The following ACOXL variants were observed in gnomAD, a reference collection of about 807,000 sequenced individuals.
ACOXL encodes the protein acyl-coenzyme A oxidase-like protein.
A neutral mutation model predicts 71.9 loss-of-function variants in ACOXL; 70 were observed. The observed-to-expected ratio is 0.97, with a 90% CI of 0.80 to 1.19. The LOEUF is 1.19. ACOXL is among the 50% of genes most tolerant of loss of function. ACOXL has a pLI of 0.00. For synonymous variants in ACOXL, 253 were observed against 281.6 expected, an observed-to-expected ratio of 0.90 and a Z score of 1.02; for missense variants, 703 against 736.3, an observed-to-expected ratio of 0.95 and a Z score of 0.52.
intron 10 of ACOXL, among the ~76,000 whole-genome samples, chr2:110,898,325 A>G (rs777080585): frequency 2.0e-5 from 3 of 152,220 alleles, no homozygotes; most frequent in Non-Finnish European, 4.4e-5. Flanking sequence ...CTTCATGAAT[A>G]TAGATACAAA....
At chr2:110,875,817 G>A (rs923591391) in intron 10 of ACOXL, among the ~76,000 whole-genome samples, 17 of 152,132 alleles carry the variant, frequency 1.1e-4, no homozygotes, top group African/African-American at 4.1e-4. Context: ...GCACCTAAGT[G>A]AAGCTGTTGA....
intron 10 of ACOXL, among the ~76,000 whole-genome samples, chr2:110,858,149 A>G (rs1393741929): frequency 6.6e-6 from 1 of 152,176 alleles, no homozygotes. Flanking sequence ...CGGGGACAAG[A>G]AATTAGTGAA....
chr2:110,853,866 C>CT (rs200608406), intron 10 of ACOXL, among the ~76,000 whole-genome samples: 9 of 150,798 alleles, frequency 6.0e-5, no homozygotes, highest in African/African-American at 2.0e-4. Flanking sequence ...CTCTCCTCTC[C>CT]TTTTTTTTAA....
chr2:110,792,577 C>T (rs764470779), intron 3 of ACOXL, among the ~76,000 whole-genome samples: 1 of 152,062 alleles, frequency 6.6e-6, no homozygotes, highest in African/African-American at 2.4e-5. Context: ...ATTGCTTGAG[C>T]TCAGTAGTTT....
intron 9 of ACOXL, among the ~76,000 whole-genome samples, chr2:110,811,029 GCTCCAGTGATTTAATTATCTTCACC>G (rs1687255246): frequency 6.6e-6 from 1 of 152,198 alleles, no homozygotes; most frequent in South Asian, 2.1e-4. Flanking sequence ...GGGGGAAACT[GCTCCAGTGATTTAATTATCTTCACC>G]GGGTCCCTTC....
chr2:110,923,222 C>G (rs1328629576), intron 11 of ACOXL, among the ~76,000 whole-genome samples: 1 of 152,216 alleles, frequency 6.6e-6, no homozygotes, highest in East Asian at 1.9e-4. Flanking sequence ...CCTGCTACCT[C>G]TTCTCCAACT....
At chr2:110,955,933 A>ATT (rs67285328) in intron 12 of ACOXL, among the ~76,000 whole-genome samples, 3,496 of 101,640 alleles carry the variant, frequency 0.034, 126 homozygotes, top group Non-Finnish European at 0.05. Flanking sequence ...CTTGCCACAG[A>ATT]TTTTTTTTTT....
At chr2:110,921,682 C>A (rs879322558) in intron 11 of ACOXL, among the ~76,000 whole-genome samples, 1 of 151,650 alleles carries the variant, frequency 6.6e-6, no homozygotes, top group Non-Finnish European at 1.5e-5. Context: ...CATGAGCCAC[C>A]GCGCCTGGCC....
chr2:110,761,174 G>C (rs1340213337), intron 1 of ACOXL, among the ~76,000 whole-genome samples: 1 of 151,920 alleles, frequency 6.6e-6, no homozygotes, highest in African/African-American at 2.4e-5. Flanking sequence ...GCCAGCTTTT[G>C]GATTTATTAG....
chr2:111,079,387 G>A (rs775999880), intron 16 of ACOXL, among the ~76,000 whole-genome samples: 1 of 152,048 alleles, frequency 6.6e-6, no homozygotes, highest in African/African-American at 2.4e-5. Flanking sequence ...AAAGTCTTTT[G>A]TATGCTAATT....
At chr2:110,949,358 C>T (rs578182858) in intron 12 of ACOXL, among the ~76,000 whole-genome samples, 57 of 150,108 alleles carry the variant, frequency 3.8e-4, no homozygotes, top group Non-Finnish European at 7.5e-4. Context: ...TCATTTTTCC[C>T]GGGCATCAAC....
intron 14 of ACOXL, among the ~76,000 whole-genome samples, chr2:111,010,573 G>A (rs1464968428): frequency 1.3e-5 from 2 of 151,986 alleles, no homozygotes; most frequent in Non-Finnish European, 2.9e-5. Context: ...TATCAATAAT[G>A]ACAGCACATA....
intron 12 of ACOXL, among the ~76,000 whole-genome samples, chr2:110,947,062 C>T (rs1198762281): frequency 1.3e-5 from 2 of 152,180 alleles, no homozygotes; most frequent in Non-Finnish European, 2.9e-5. Flanking sequence ...AGGGGAGAAT[C>T]AAACTGACCT....
chr2:110,780,871 G>GAA (rs569179860), intron 2 of ACOXL, among the ~76,000 whole-genome samples: 1 of 146,982 alleles, frequency 6.8e-6, no homozygotes, highest in Non-Finnish European at 1.5e-5. Context: ...CTAGTTTCCA[G>GAA]AAAAAAAAAA....
At chr2:111,027,565 C>T (rs1465630247) in intron 14 of ACOXL, among the ~76,000 whole-genome samples, 5 of 152,092 alleles carry the variant, frequency 3.3e-5, no homozygotes, top group East Asian at 3.9e-4. Flanking sequence ...CGTGATCTGC[C>T]CACCTCAGCC....
At chr2:111,060,512 C>T (rs2066762706) in intron 16 of ACOXL, among the ~76,000 whole-genome samples, 1 of 152,170 alleles carries the variant, frequency 6.6e-6, no homozygotes, top group African/African-American at 2.4e-5. Context: ...TCACCCTCCC[C>T]TGATGGTGCA....
intron 14 of ACOXL, among the ~76,000 whole-genome samples, chr2:111,009,522 AAAAAAAG>A (rs1252792573): frequency 1.3e-5 from 2 of 151,942 alleles, no homozygotes; most frequent in South Asian, 2.1e-4. Flanking sequence ...TCAAAAAAAA[AAAAAAAG>A]AAAAGAAAAG....
At chr2:110,911,487 T>G (rs2059648365) in intron 11 of ACOXL, among the ~76,000 whole-genome samples, 1 of 151,984 alleles carries the variant, frequency 6.6e-6, no homozygotes, top group Non-Finnish European at 1.5e-5. Context: ...CTAGTAAACT[T>G]AATCCAGCAA....
At chr2:110,942,821 T>G (rs1574219052) in intron 12 of ACOXL, among the ~76,000 whole-genome samples, 1 of 139,902 alleles carries the variant, frequency 7.1e-6, no homozygotes. Flanking sequence ...GAGGTGGAGG[T>G]CGCAGTGAGC....
Sources: allele counts gnomAD v4.1 joint callset (sites outside exome capture counted in the v4.1 genomes callset), GRCh38; gene constraint gnomAD v4.1.1; transcripts MANE v1.5; gene names NCBI Gene and HGNC (gene_info 2026-07-23, HGNC 2026-07-21).